LRRC7: variants seen among roughly 807,000 people sequenced by gnomAD.
LRRC7 encodes the protein leucine rich repeat containing 7, also known as leucine-rich repeat-containing protein 7.
A neutral mutation model predicts 175.7 loss-of-function variants in LRRC7; 23 were observed. That is an observed-to-expected ratio of 0.13 (90% CI 0.09 to 0.19). The LOEUF is 0.19. LRRC7 is among the 10% of genes least tolerant of loss of function. The pLI is 1.00. For missense variants in LRRC7, 1,354 were observed against 1,904.7 expected, an observed-to-expected ratio of 0.71 and a Z score of 5.38; for synonymous variants, 685 against 680.9, an observed-to-expected ratio of 1.01 and a Z score of -0.09.
At chr1:69,794,226 A>C (rs1192649581) in intron 4 of LRRC7, among the ~76,000 whole-genome samples, 2 of 152,264 alleles carry the variant, frequency 1.3e-5, no homozygotes, top group Non-Finnish European at 1.5e-5. Context: ...TTGACTTGCC[A>C]CTTAGAAGGT....
intron 1 of LRRC7, among the ~76,000 whole-genome samples, chr1:69,640,177 G>A (rs527937256): frequency 3.3e-5 from 5 of 151,722 alleles, no homozygotes; most frequent in Admixed American, 1.3e-4. Flanking sequence ...AGTTTTTAAC[G>A]GTACCAGATA....
intron 10 of LRRC7, among the ~76,000 whole-genome samples, chr1:69,987,291 A>T (rs571931851): frequency 3.3e-5 from 5 of 152,164 alleles, no homozygotes; most frequent in East Asian, 3.9e-4. Context: ...ATAGTGAAAG[A>T]CTCATTTAAA....
chr1:69,593,616 G>A (rs1646724595), intron 1 of LRRC7, among the ~76,000 whole-genome samples: 1 of 152,008 alleles, frequency 6.6e-6, no homozygotes, highest in South Asian at 2.1e-4. Context: ...ACACCAAATT[G>A]CAACAATAAG....
chr1:69,884,240 C>T (rs1444294273), intron 7 of LRRC7, among the ~76,000 whole-genome samples: 1 of 87,770 alleles, frequency 1.1e-5, no homozygotes, highest in Non-Finnish European at 2.4e-5. Context: ...ATTCTTCCTA[C>T]CCATGAGCAT....
At chr1:69,850,533 A>G (rs1160180401) in intron 7 of LRRC7, among the ~76,000 whole-genome samples, 3 of 152,088 alleles carry the variant, frequency 2.0e-5, no homozygotes, top group Non-Finnish European at 4.4e-5. Flanking sequence ...GATGATTGCA[A>G]TAGTGAAGAT....
At position 70,124,102 on chromosome 1, in the gene LRRC7, T is replaced by A. The variant is rs1189571364; in HGVS notation, c.*2215T>A. Among the ~76,000 whole-genome samples, 1 of 152,198 alleles carries A rather than the reference T, an allele frequency of 6.6e-6. No individual in the cohort carries two copies. Among genetic ancestry groups the A allele is most frequent in the Non-Finnish European group, 1.5e-5 (1 of 68,034 alleles). On this transcript the variant is annotated 3_prime_UTR_variant, in exon 27 of 27. Transcript: ENST00000651989. Reference sequence around the variant, plus strand: ...TGAGCCACTTCTTTAGTACTTCCTGTTCTGCAGTTCAGAAATGAGGAAAAG... The same window carrying A: ...TGAGCCACTTCTTTAGTACTTCCTGATCTGCAGTTCAGAAATGAGGAAAAG...
At chr1:69,965,011 A>T (rs1651519702) in intron 8 of LRRC7, among the ~76,000 whole-genome samples, 1 of 152,228 alleles carries the variant, frequency 6.6e-6, no homozygotes, top group Admixed American at 6.5e-5. Flanking sequence ...GAGAGAAAAG[A>T]TTTGAGGATA....
intron 11 of LRRC7, among the ~76,000 whole-genome samples, chr1:70,003,216 A>T (rs1372143558): frequency 6.6e-6 from 1 of 152,120 alleles, no homozygotes; most frequent in African/African-American, 2.4e-5. Context: ...CATTAATCCC[A>T]TCATGAGGGC....
chr1:70,078,751 A>G lies in LRRC7; in HGVS notation c.4452+2453A>G, dbSNP rs1051219229. Among the ~76,000 whole-genome samples, 9 of 151,864 alleles carry G rather than the reference A, an allele frequency of 5.9e-5. No homozygotes were observed. The South Asian group carries it at 8.3e-4, about 14-fold the overall frequency. On this transcript the variant is annotated intron_variant, in intron 24 of 26. Transcript: ENST00000651989. ...ACATTGCTACCCACCAACAACATTC[A>G]AAAAGAATTTGTCAGAGTCAAATAA... is the stretch of plus-strand genomic sequence containing the variant.
rs540649830 is a variant in LRRC7, at chr1:69,870,018, G to T, written c.647+31735G>T. On this transcript the variant is annotated intron_variant, in intron 7 of 26. Transcript: ENST00000651989. Reference sequence around the variant, plus strand: ...CAAATATCTTGCCTAAGTTCAGCCTGAGAACAGCAAATGTGGGAGTCAGTT... The same window carrying T: ...CAAATATCTTGCCTAAGTTCAGCCTTAGAACAGCAAATGTGGGAGTCAGTT... Among the ~76,000 whole-genome samples, 18 of 152,242 alleles carry T rather than the reference G, an allele frequency of 1.2e-4. No individual in the cohort carries two copies. In the South Asian group the frequency reaches 3.5e-3, roughly 30 times the overall value.
intron 8 of LRRC7, among the ~76,000 whole-genome samples, chr1:69,934,065 G>T (rs1450636402): frequency 1.3e-5 from 2 of 152,126 alleles, no homozygotes; most frequent in Admixed American, 1.3e-4. Flanking sequence ...TCATATGCAT[G>T]GAACTGGCTG....
intron 2 of LRRC7, among the ~76,000 whole-genome samples, chr1:69,690,174 A>C (rs560840959): frequency 6.6e-6 from 1 of 152,238 alleles, no homozygotes; most frequent in Admixed American, 6.5e-5. Context: ...ATAGGATATA[A>C]TTTTTTTAAA....
chr1:69,647,461 A>AGG (rs928264270), intron 1 of LRRC7, among the ~76,000 whole-genome samples: 1 of 152,190 alleles, frequency 6.6e-6, no homozygotes, highest in African/African-American at 2.4e-5. Context: ...TCTAGCAACC[A>AGG]TCTTTGTGGA....
intron 8 of LRRC7, among the ~76,000 whole-genome samples, chr1:69,943,559 T>C (rs369098812): frequency 2.2e-4 from 33 of 152,184 alleles, no homozygotes; most frequent in African/African-American, 7.7e-4. Context: ...CCACTTAATT[T>C]TATACTCTAA....
At chr1:69,654,138 GC>G (rs1271043547) in intron 1 of LRRC7, among the ~76,000 whole-genome samples, 1 of 150,040 alleles carries the variant, frequency 6.7e-6, no homozygotes, top group Non-Finnish European at 1.5e-5. Context: ...ACCACAACAA[GC>G]AAAAGCACTA....
chr1:69,591,585 T>C (rs186937468), intron 1 of LRRC7, among the ~76,000 whole-genome samples: 2 of 152,088 alleles, frequency 1.3e-5, no homozygotes, highest in Non-Finnish European at 2.9e-5. Flanking sequence ...TGGTCCTTAG[T>C]GTTTTCACAA....
intron 26 of LRRC7, among the ~76,000 whole-genome samples, chr1:70,115,251 G>A (rs1665774305): frequency 6.6e-6 from 1 of 152,216 alleles, no homozygotes; most frequent in Admixed American, 6.5e-5. Context: ...GTCCAAGACT[G>A]GACAACCAAT....
chr1:69,718,368 G>A (rs567769901), intron 2 of LRRC7, among the ~76,000 whole-genome samples: 2 of 151,774 alleles, frequency 1.3e-5, no homozygotes, highest in Admixed American at 6.6e-5. Flanking sequence ...CAGCAACTTC[G>A]TTTGTGATCT....
rs545681918 is a variant in LRRC7, at chr1:70,003,317, T to G, written c.1005-8480T>G. Among the ~76,000 whole-genome samples the G allele has an allele frequency of 9.2e-5, 14 of 152,258 alleles. No homozygotes were observed. In the South Asian group the frequency reaches 2.9e-3, roughly 32 times the overall value. On this transcript the variant is annotated intron_variant, in intron 11 of 26. Transcript: ENST00000651989. Reference sequence around the variant, plus strand: ...CATTGGGGATTAACACTTCAACATATGAATTTTGGAGGGAAACATTCAGTC... The same window carrying G: ...CATTGGGGATTAACACTTCAACATAGGAATTTTGGAGGGAAACATTCAGTC...
Sources: gnomAD v4.1 joint callset for allele counts (sites outside exome capture counted in the v4.1 genomes callset) on GRCh38, gnomAD v4.1.1 for gene constraint, MANE v1.5 for transcripts, NCBI Gene and HGNC (gene_info 2026-07-23, HGNC 2026-07-21) for gene names.